Variants in RUVBL1 observed in about 807,000 individuals in gnomAD.
RUVBL1 encodes ruvB-like 1.
In RUVBL1, 4 loss-of-function variants were observed where a neutral mutation model predicts 52.4. The observed-to-expected ratio is 0.08, with a 90% CI of 0.04 to 0.17. The LOEUF is 0.17. RUVBL1 is among the 10% of genes least tolerant of loss of function. The pLI is 1.00. For missense variants in RUVBL1, 298 were observed against 572.8 expected, an observed-to-expected ratio of 0.52 and a Z score of 4.90; for synonymous variants, 217 against 214.4, an observed-to-expected ratio of 1.01 and a Z score of -0.10.
Position 128,087,773 on chromosome 3 carries a change from G to C in RUVBL1, c.1052C>G (p.Pro351Arg). The change falls in exon 9 of 11, where the codon CCT (proline) becomes CGT (arginine). Residue 351 changes from proline to arginine, a missense_variant. By Grantham distance (103) the Pro-to-Arg change is moderately radical. Transcript: ENST00000322623. ...TEDITSPHGIPLDLLDRVMII... is the reference protein window; with the variant it reads ...TEDITSPHGIRLDLLDRVMII... ...CATCACTCGGTCCAGAAGGTCAAGA[G>C]GGATGCCGTGAGGGGATGTGATGTC... 6.2e-7 allele frequency: 1 copy of C among 1,614,098 alleles called. No homozygotes were observed.
rs778906759 is a variant in RUVBL1 at position 128,097,449 on chromosome 3, C to T, written c.867G>A (p.Gln289=). ...CACCCGGGACCAGCTCAGCAATGCC[C>T]TGGTCGATGTACTTGTTCACCACCT... ...INKVVNKYID[Q]GIAELVPGVL... Residue 289 remains glutamine (Q), a synonymous_variant, in exon 8 of 11, where the codon CAG becomes CAA. Coordinates refer to ENST00000322623, the MANE Select transcript of RUVBL1 (RefSeq NM_003707.3). The T allele has an allele frequency of 1.2e-6, 2 of 1,614,208 alleles. No individual in the cohort carries two copies. Among genetic ancestry groups the T allele is most frequent in the Non-Finnish European group, 1.7e-6 (2 of 1,180,040 alleles).
At chr3:128,139,354 T>G (rs1943987916) in intron 1 of RUVBL1, among the ~76,000 whole-genome samples, 1 of 151,844 alleles carries the variant, frequency 6.6e-6, no homozygotes, top group African/African-American at 2.4e-5. Context: ...TAGGAAAAAA[T>G]CTAATAATCC....
chr3:128,085,691 C>T (rs760212569), intron 9 of RUVBL1, among the ~76,000 whole-genome samples: 2 of 152,172 alleles, frequency 1.3e-5, no homozygotes, highest in East Asian at 3.8e-4. Flanking sequence ...CTCCTGCATG[C>T]GGTAAGAGAT....
chr3:128,127,541 T>C (rs967796292), upstream of RUVBL1, among the ~76,000 whole-genome samples: 9 of 152,176 alleles, frequency 5.9e-5, no homozygotes, highest in Admixed American at 3.3e-4. Context: ...CTATCACACC[T>C]GAACTTTGAA....
chr3:128,133,259 A>T (rs1466885552), intron 1 of RUVBL1, among the ~76,000 whole-genome samples: 1 of 151,916 alleles, frequency 6.6e-6, no homozygotes, highest in Admixed American at 6.6e-5. Flanking sequence ...AAGGTTTCTG[A>T]CTCCAGGCCC....
chr3:128,141,943 T>C (rs1002790977), intron 1 of RUVBL1: 4 of 152,252 alleles, frequency 2.6e-5, no homozygotes, highest in Non-Finnish European at 5.9e-5. Flanking sequence ...TCTGTCTCAT[T>C]CTAATTTTAG....
At position 128,067,133 on chromosome 3, in the gene RUVBL1, C is replaced by T; in HGVS notation, c.940-1913G>A. 6.2e-7 allele frequency: 1 copy of T among 1,614,240 alleles called. No homozygotes were observed. The highest frequency in any genetic ancestry group is 1.3e-5 in the African/African-American group (1 of 75,062). On this transcript the variant is annotated intron_variant, in intron 9 of 9. Coordinates refer to the RUVBL1 transcript ENST00000464873. This position sits in a 1 kb window ranked among gnomAD's most constrained non-coding sequence, Gnocchi z 4.1. The stretch of plus-strand genomic sequence containing the variant: ...GCTTCAGTGGCAACTTGCTGGTCAG[C>T]CTGCTGGGCACCTGGTCGGTAAGTA...
intron 9 of RUVBL1, chr3:128,070,098 T>C (rs1478129713): frequency 1.3e-5 from 2 of 156,660 alleles, no homozygotes; most frequent in African/African-American, 4.8e-5. Flanking sequence ...GCAGATCATG[T>C]ATTTCCCGGA....
downstream of RUVBL1, among the ~76,000 whole-genome samples, chr3:128,080,350 AT>A (rs1559804841): frequency 6.6e-6 from 1 of 152,250 alleles, no homozygotes; most frequent in Admixed American, 6.5e-5. Context: ...AGAGGTGAGC[AT>A]AACCCCTGCC....
chr3:128,086,147 C>T (rs978917623), intron 9 of RUVBL1, among the ~76,000 whole-genome samples: 2 of 152,054 alleles, frequency 1.3e-5, no homozygotes, highest in African/African-American at 2.4e-5. Flanking sequence ...CAGGCACACA[C>T]CACCACACCT....
intron 1 of RUVBL1, among the ~76,000 whole-genome samples, chr3:128,122,395 A>G (rs1943669937): frequency 6.6e-6 from 1 of 152,236 alleles, no homozygotes; most frequent in East Asian, 1.9e-4. Context: ...CAAGTCTTTC[A>G]ACTTTTTTTG....
intron 1 of RUVBL1, among the ~76,000 whole-genome samples, chr3:128,148,569 C>T (rs562238628): frequency 6.6e-6 from 1 of 152,234 alleles, no homozygotes; most frequent in South Asian, 2.1e-4. Flanking sequence ...CAGGCTCACA[C>T]ACAGAACCTG....
chr3:128,074,377 C>CAAA (rs35544549), intron 9 of RUVBL1, among the ~76,000 whole-genome samples: 5 of 146,254 alleles, frequency 3.4e-5, no homozygotes, highest in African/African-American at 1.3e-4. Context: ...TAATCTATTG[C>CAAA]AAAAAAAAAA....
chr3:128,089,263 C>T (rs1171239132), intron 8 of RUVBL1, among the ~76,000 whole-genome samples: 2 of 152,208 alleles, frequency 1.3e-5, no homozygotes, highest in East Asian at 3.8e-4. Flanking sequence ...AGGAACCTTG[C>T]CAACCCACCA....
chr3:128,082,445 G>A lies in RUVBL1; in HGVS notation c.1211+38C>T, dbSNP rs1382237528. 1 of 1,515,302 alleles carries A rather than the reference G, an allele frequency of 6.6e-7. No homozygotes were observed. Among genetic ancestry groups the A allele is most frequent in the Admixed American group, 1.7e-5 (1 of 59,852 alleles). 93.9% of individuals were successfully genotyped at this position (1,515,302 alleles called of 1,614,324 possible). A position where few individuals can be genotyped will look rare whatever the true frequency, so the allele number is the denominator to read the frequency against. On this transcript the variant is annotated intron_variant, in intron 10 of 10. Transcript: ENST00000322623. The surrounding 1 kb of genome is among the most constrained non-coding windows in gnomAD (Gnocchi z 4.7). ...TGACCCCAGCGAGGGCCCTGGCTGT[G>A]CTGGGGAGGCCCCGGCGGGCCCAGG...
At chr3:128,135,004 G>GA (rs906529540) in intron 1 of RUVBL1, among the ~76,000 whole-genome samples, 11 of 151,704 alleles carry the variant, frequency 7.3e-5, no homozygotes, top group African/African-American at 2.7e-4. Flanking sequence ...AAACCTAGAG[G>GA]AAAAAAAATT....
At chr3:128,065,821 A>G (rs1941959834) in intron 9 of RUVBL1, among the ~76,000 whole-genome samples, 1 of 136,848 alleles carries the variant, frequency 7.3e-6, no homozygotes, top group South Asian at 2.2e-4. Context: ...GACTCACTGC[A>G]ACCTCCGCCT....
At chr3:128,150,800 A>G (rs1181982989) in intron 1 of RUVBL1, among the ~76,000 whole-genome samples, 1 of 100,948 alleles carries the variant, frequency 9.9e-6, no homozygotes, top group Non-Finnish European at 1.8e-5. Context: ...TCTATATATT[A>G]TATATTCTAT....
chr3:128,143,538 C>T (rs144014890), intron 1 of RUVBL1, among the ~76,000 whole-genome samples: 5 of 152,274 alleles, frequency 3.3e-5, no homozygotes, highest in South Asian at 4.1e-4. Flanking sequence ...TCACTGGCTC[C>T]GGGATGTGAA....
Sources: gnomAD v4.1 joint callset for allele counts (sites outside exome capture counted in the v4.1 genomes callset) on GRCh38, gnomAD v4.1.1 for gene constraint, Gnocchi (gnomAD v3.1) non-coding constraint, MANE v1.5 for transcripts, NCBI Gene and HGNC (gene_info 2026-07-23, HGNC 2026-07-21) for gene names.